MAP7D2: variants seen among roughly 807,000 people sequenced by gnomAD.
MAP7D2 encodes the protein MAP7 domain-containing protein 2.
In MAP7D2, 33 loss-of-function variants were observed where a neutral mutation model predicts 63.5. The observed-to-expected ratio is 0.52, with a 90% CI of 0.39 to 0.70. The LOEUF (loss-of-function observed/expected upper bound fraction) is 0.70, where lower values mean the gene tolerates loss of function less well. Among genes scored for constraint, MAP7D2 ranks in the 30% least tolerant of loss-of-function variants. The pLI, the probability that MAP7D2 is intolerant of heterozygous loss-of-function variation, is 0.00. For synonymous variants in MAP7D2, 224 were observed against 223.7 expected (o/e 1.00, Z -0.01); for missense variants, 626 against 604.0 (o/e 1.04, Z -0.38).
chrX:20,088,287 A>G (rs1407192805), intron 1 of MAP7D2, among the ~76,000 whole-genome samples: 1 of 93,192 alleles, frequency 1.1e-5, no homozygotes, highest in Non-Finnish European at 2.0e-5. Flanking sequence ...AGGTTGGTCA[A>G]TAGTTTTCTT....
chrX:20,098,232 T>A lies in MAP7D2; in HGVS notation c.130+18518A>T, dbSNP rs768045468. ...AACCCCATGAAGTATTTCAGATATG[T>A]TCCCATTTCACAGGTAAAGAAGAGG... On this transcript the variant is annotated intron_variant, in intron 1 of 16. Transcript: ENST00000379643. Among the ~76,000 whole-genome samples the A allele has an allele frequency of 1.1e-3, 125 of 111,822 alleles. 1 individual carries two copies. Among genetic ancestry groups the A allele is most frequent in the African/African-American group, 3.9e-3 (121 of 30,771 alleles).
intron 3 of MAP7D2, among the ~76,000 whole-genome samples, chrX:20,061,299 A>C (rs1437127823): frequency 1.8e-5 from 2 of 110,318 alleles, no homozygotes; most frequent in African/African-American, 6.6e-5. Flanking sequence ...CCTTCTCCCT[A>C]AATGTCACCC....
chrX:20,042,337 C>CA (rs1288706427), intron 8 of MAP7D2, among the ~76,000 whole-genome samples, 165 bp downstream of exon 8: 2 of 111,842 alleles, frequency 1.8e-5, no homozygotes, highest in African/African-American at 3.3e-5. Context: ...AGAAGATACA[C>CA]AGAGAGTCAA....
At chrX:20,084,104 G>A (rs911017893) in intron 1 of MAP7D2, among the ~76,000 whole-genome samples, 1 of 109,283 alleles carries the variant, frequency 9.2e-6, no homozygotes, top group Non-Finnish European at 1.9e-5. Context: ...GGGAGTGTGA[G>A]GCAGGAGAAT....
intron 1 of MAP7D2, among the ~76,000 whole-genome samples, chrX:20,112,979 C>T (rs2066788748): frequency 8.9e-6 from 1 of 112,076 alleles, no homozygotes; most frequent in African/African-American, 3.2e-5. Flanking sequence ...GAGAGGAAAA[C>T]ATCCTTTCAT....
Position 20,007,518 on chromosome X carries a change from T to C in MAP7D2, c.*907A>G, listed in dbSNP as rs913952160. 2 of 111,444 alleles carry C rather than the reference T, an allele frequency of 1.8e-5. No individual in the cohort carries two copies. The highest frequency in any genetic ancestry group is 9.6e-5 in the Admixed American group (1 of 10,379). 9.2% of individuals were successfully genotyped at this position (111,444 alleles called of 1,213,427 possible). A position where few individuals can be genotyped will look rare whatever the true frequency, so the allele number is the denominator to read the frequency against. ...TGTTTCAGAATGCTATGGTTTTTGTTTGCGCCTGGTTTTATTAAAGCTGGG... is the reference window on the plus strand; with the variant it reads ...TGTTTCAGAATGCTATGGTTTTTGTCTGCGCCTGGTTTTATTAAAGCTGGG... On this transcript the variant is annotated 3_prime_UTR_variant, in exon 17 of 17. Transcript: ENST00000379643.
intron 6 of MAP7D2, among the ~76,000 whole-genome samples, chrX:20,045,441 C>T (rs749670880): frequency 3.8e-4 from 37 of 98,571 alleles, no homozygotes; most frequent in Non-Finnish European, 6.0e-4. Context: ...GCAGGAGGAT[C>T]GCTTGAGCCT....
chrX:20,088,228 C>A (rs2065965058), intron 1 of MAP7D2, among the ~76,000 whole-genome samples: 1 of 108,357 alleles, frequency 9.2e-6, no homozygotes, highest in Non-Finnish European at 1.9e-5. Context: ...TTTGGGGTTA[C>A]TTGCTGAGCT....
At chrX:20,116,653 C>T in intron 1 of MAP7D2, 97 bp downstream of exon 1, 1 of 1,034,054 alleles carries the variant, frequency 9.7e-7, no homozygotes, top group Non-Finnish European at 1.2e-6. Context: ...CGTGCCCCTT[C>T]CCCCCACGCT....
intron 3 of MAP7D2, among the ~76,000 whole-genome samples, chrX:20,060,470 GAAAGAAAGAAAGAAAGAA>G (rs2065191998): frequency 9.2e-6 from 1 of 108,183 alleles, no homozygotes; most frequent in African/African-American, 3.4e-5. Context: ...AAGAAAGAAA[GAAAGAAAGAAAGAAAGAA>G]AGAGAAAGAG....
At chrX:20,019,540 C>T (rs1205683478) in intron 10 of MAP7D2, among the ~76,000 whole-genome samples, 1 of 111,966 alleles carries the variant, frequency 8.9e-6, no homozygotes, top group Non-Finnish European at 1.9e-5. Flanking sequence ...AGCACCTCGC[C>T]CCCTTTTCTG....
intron 8 of MAP7D2, among the ~76,000 whole-genome samples, chrX:20,029,726 ACACACACTTGTATG>A (rs1451637344): frequency 9.0e-6 from 1 of 111,413 alleles, no homozygotes; most frequent in Non-Finnish European, 1.9e-5. Context: ...GTTAGAAAAC[ACACACACTTGTATG>A]CACACACAAA....
intron 1 of MAP7D2, among the ~76,000 whole-genome samples, chrX:20,095,144 G>A (rs896860720): frequency 3.6e-5 from 4 of 111,276 alleles, no homozygotes; most frequent in African/African-American, 1.3e-4. Flanking sequence ...CGACTGGGCT[G>A]TATGTACACT....
chrX:20,031,291 A>AAAAAT (rs55901756), intron 8 of MAP7D2, among the ~76,000 whole-genome samples: 2,743 of 85,287 alleles, frequency 0.032, 53 homozygotes, highest in Non-Finnish European at 0.037. Context: ...CACCATCTCG[A>AAAAAT]AAAATAAAAT....
In MAP7D2 at chrX:20,029,009, TTC is replaced by T. The variant is rs1291342012; in HGVS notation, c.1008-3059_1008-3058del. 2.7e-5 allele frequency among the ~76,000 whole-genome samples: 3 copies of T among 112,127 alleles called. No individual in the cohort carries two copies. In the Admixed American group the frequency reaches 2.8e-4, roughly 11 times the overall value. On this transcript the variant is annotated intron_variant, in intron 8 of 16. Coordinates refer to ENST00000379643, the MANE Select transcript of MAP7D2 (RefSeq NM_001168465.2). Reference sequence around the variant, plus strand: ...TCCTCCCCGTGGAATGAGGTACGATTTCTCTGATTGGTGAGAATGAGCAAAGC... The same window carrying T: ...TCCTCCCCGTGGAATGAGGTACGATTTCTGATTGGTGAGAATGAGCAAAGC...
At chrX:20,074,450 C>A (rs962270149) in intron 1 of MAP7D2, among the ~76,000 whole-genome samples, 1 of 111,995 alleles carries the variant, frequency 8.9e-6, no homozygotes, top group Non-Finnish European at 1.9e-5. Context: ...AATCTAGAAC[C>A]TTTTTCATTA....
Position 20,052,905 on chromosome X carries a change from C to T in MAP7D2, c.568G>A (p.Val190Met), listed in dbSNP as rs1366566921. The part of the protein sequence containing the change: ...PMNKRLSSST[V>M]AISYSPDRAH... The stretch of plus-strand genomic sequence containing the variant: ...CGGTCTGGGGAATAGGATATTGCCA[C>T]GGTGGATGAAGACAGGCGTTTATTC... The change falls in exon 5 of 17, where the codon GTG (valine) becomes ATG (methionine). Residue 190 changes from valine (V) to methionine (M), a missense_variant. Val to Met is a conservative substitution (Grantham distance 21). Transcript: ENST00000379643. 1.7e-6 allele frequency: 2 copies of T among 1,209,360 alleles called. No individual in the cohort carries two copies. Among genetic ancestry groups the T allele is most frequent in the Non-Finnish European group, 2.2e-6 (2 of 893,090 alleles).
At chrX:20,011,166 AT>A in intron 15 of MAP7D2, 114 bp from the exon 16 acceptor site, 1 of 783,243 alleles carries the variant, frequency 1.3e-6, no homozygotes, top group Non-Finnish European at 1.8e-6. Context: ...AAGAAGAAGG[AT>A]TTAGAGTCAG....
chrX:20,049,303 G>A (rs779831021), intron 6 of MAP7D2, among the ~76,000 whole-genome samples: 7 of 94,216 alleles, frequency 7.4e-5, no homozygotes, highest in East Asian at 3.2e-4. Context: ...ATGGAGTCTC[G>A]CTGTGTCACC....
Sources: allele counts gnomAD v4.1 joint callset (sites outside exome capture counted in the v4.1 genomes callset), GRCh38; gene constraint gnomAD v4.1.1; transcripts MANE v1.5; gene names NCBI Gene and HGNC (gene_info 2026-07-23, HGNC 2026-07-21).